The following UNC5D variants were observed in gnomAD, a reference collection of about 807,000 sequenced individuals.
The protein encoded by UNC5D is netrin receptor UNC5D.
A neutral mutation model predicts 105.4 loss-of-function variants in UNC5D; 39 were observed. That is an observed-to-expected ratio of 0.37 (90% confidence interval 0.29 to 0.48). The LOEUF (loss-of-function observed/expected upper bound fraction) is 0.48. Among genes scored for constraint, UNC5D ranks in the 20% least tolerant of loss-of-function variants. UNC5D has a pLI of 0.98. For synonymous variants in UNC5D, 452 were observed against 450.4 expected (o/e 1.00, Z -0.04); for missense variants, 991 against 1,202.4 (o/e 0.82, Z 2.60).
At chr8:35,423,772 C>A (rs2128968351) in intron 1 of UNC5D, among the ~76,000 whole-genome samples, 1 of 151,136 alleles carries the variant, frequency 6.6e-6, no homozygotes, top group South Asian at 2.1e-4. Flanking sequence ...TAAATTGAAA[C>A]TAAAAAGTTT....
At chr8:35,601,425 C>G (rs13277359) in intron 4 of UNC5D, among the ~76,000 whole-genome samples, 10 of 152,092 alleles carry the variant, frequency 6.6e-5, no homozygotes, top group Non-Finnish European at 1.3e-4. Context: ...ATTCTTCTAC[C>G]CATGAGCATG....
chr8:35,245,201 G>A (rs1435272513), intron 1 of UNC5D, among the ~76,000 whole-genome samples: 2 of 152,032 alleles, frequency 1.3e-5, no homozygotes, highest in African/African-American at 4.8e-5. Context: ...TTCGAAAGCA[G>A]TTTAGTGGCA....
At chr8:35,446,069 C>T (rs1366484954) in intron 1 of UNC5D, among the ~76,000 whole-genome samples, 3 of 151,688 alleles carry the variant, frequency 2.0e-5, no homozygotes, top group South Asian at 2.1e-4. Context: ...TGAGTAAGTT[C>T]TTCAGTGGTG....
Position 35,680,089 on chromosome 8 carries a change from G to C in UNC5D, c.571-3458G>C, listed in dbSNP as rs950289485. Among the ~76,000 whole-genome samples the C allele has an allele frequency of 5.3e-5, 8 of 152,224 alleles. No individual in the cohort carries two copies. In the East Asian group the frequency reaches 1.2e-3, roughly 22 times the overall value. On this transcript the variant is annotated intron_variant, in intron 4 of 16. Coordinates refer to ENST00000404895, the MANE Select transcript of UNC5D (RefSeq NM_080872.4). Reference sequence around the variant, plus strand: ...TCTTTCATTCATTCATGAGGGGAGAGTCCTCATGATCTGATCTCCTCTGTA... The same window carrying C: ...TCTTTCATTCATTCATGAGGGGAGACTCCTCATGATCTGATCTCCTCTGTA...
chr8:35,723,587 A>G (rs1015235257), intron 9 of UNC5D, among the ~76,000 whole-genome samples: 1 of 151,852 alleles, frequency 6.6e-6, no homozygotes, highest in Non-Finnish European at 1.5e-5. Context: ...TTTATTTTTT[A>G]TAGAGACAGG....
chr8:35,510,274 T>G (rs1812608371), intron 1 of UNC5D, among the ~76,000 whole-genome samples: 1 of 127,172 alleles, frequency 7.9e-6, no homozygotes, highest in Admixed American at 9.6e-5. Context: ...TGGAGCTACC[T>G]AGGGGGTAGC....
At chr8:35,279,812 T>C (rs948277010) in intron 1 of UNC5D, among the ~76,000 whole-genome samples, 1 of 152,194 alleles carries the variant, frequency 6.6e-6, no homozygotes, top group African/African-American at 2.4e-5. Context: ...GATCCCCAGC[T>C]TCCAATTAGC....
intron 1 of UNC5D, among the ~76,000 whole-genome samples, chr8:35,502,800 C>T (rs1265566363): frequency 6.6e-6 from 1 of 151,820 alleles, no homozygotes; most frequent in Non-Finnish European, 1.5e-5. Flanking sequence ...CTCCTGACCT[C>T]GTGATCTGCC....
At chr8:35,387,434 C>A (rs1803484353) in intron 1 of UNC5D, among the ~76,000 whole-genome samples, 1 of 151,478 alleles carries the variant, frequency 6.6e-6, no homozygotes, top group Non-Finnish European at 1.5e-5. Flanking sequence ...AGTATGAGAA[C>A]CCCTGGCTTA....
intron 1 of UNC5D, among the ~76,000 whole-genome samples, chr8:35,542,173 G>T (rs2130637188): frequency 6.6e-6 from 1 of 152,282 alleles, no homozygotes; most frequent in Non-Finnish European, 1.5e-5. Flanking sequence ...ACTTTTACTG[G>T]GGCCTGGGGA....
rs1001193491 is a variant in UNC5D, at chr8:35,630,693, C to T, written c.570+35036C>T. Among the ~76,000 whole-genome samples the T allele has an allele frequency of 4.6e-5, 7 of 152,160 alleles. 1 individual carries two copies. The South Asian group carries it at 6.2e-4, about 14-fold the overall frequency. ...AATTTTCCTTGCTCATCTAGTGATT[C>T]GTAAGGCGGGAAAAAGGCTGCTTAA... is the stretch of plus-strand genomic sequence containing the variant. On this transcript the variant is annotated intron_variant, in intron 4 of 16. Transcript: ENST00000404895.
At chr8:35,409,943 CAT>C (rs1805051656) in intron 1 of UNC5D, among the ~76,000 whole-genome samples, 1 of 146,246 alleles carries the variant, frequency 6.8e-6, no homozygotes, top group Non-Finnish European at 1.5e-5. Flanking sequence ...TTTTTTTAAA[CAT>C]AGCATACCTG....
chr8:35,248,146 TATATAATATATAAATA>T (rs1803295141), intron 1 of UNC5D, among the ~76,000 whole-genome samples: 1 of 37,672 alleles, frequency 2.7e-5, no homozygotes, highest in Non-Finnish European at 4.1e-5. Context: ...ATATAAAATA[TATATAATATATAAATA>T]TATATTATAT....
At chr8:35,493,065 A>G (rs1811316322) in intron 1 of UNC5D, among the ~76,000 whole-genome samples, 1 of 152,090 alleles carries the variant, frequency 6.6e-6, no homozygotes, top group Admixed American at 6.6e-5. Context: ...AAACTTGCAG[A>G]GAGAGTGCTT....
chr8:35,696,875 G>C (rs1156984866), intron 7 of UNC5D, among the ~76,000 whole-genome samples: 2 of 152,118 alleles, frequency 1.3e-5, no homozygotes, highest in Non-Finnish European at 1.5e-5. Context: ...GTACAGGACA[G>C]TGTTAGTGTT....
chr8:35,241,033 A>C (rs10101683), intron 1 of UNC5D, among the ~76,000 whole-genome samples: 77,416 of 152,000 alleles, frequency 0.51, 20,099 homozygotes, highest in East Asian at 0.69. Flanking sequence ...TATTTGTTGC[A>C]TGTCTTGTAT....
At chr8:35,599,070 G>A (rs959348926) in intron 4 of UNC5D, among the ~76,000 whole-genome samples, 1 of 150,498 alleles carries the variant, frequency 6.6e-6, no homozygotes, top group African/African-American at 2.4e-5. Flanking sequence ...TTGAACCCGG[G>A]AGGTAGAGGT....
At chr8:35,603,311 A>G (rs1242420017) in intron 4 of UNC5D, among the ~76,000 whole-genome samples, 5 of 152,128 alleles carry the variant, frequency 3.3e-5, no homozygotes, top group South Asian at 4.1e-4. Flanking sequence ...CCCAGTAGTC[A>G]TTCAGGAGCA....
At chr8:35,434,293 C>T (rs1353133955) in intron 1 of UNC5D, among the ~76,000 whole-genome samples, 1 of 152,008 alleles carries the variant, frequency 6.6e-6, no homozygotes, top group East Asian at 1.9e-4. Flanking sequence ...TAGCAAGTTC[C>T]ACTAATGAGA....
Sources: gnomAD v4.1 joint callset for allele counts (sites outside exome capture counted in the v4.1 genomes callset) on GRCh38, gnomAD v4.1.1 for gene constraint, MANE v1.5 for transcripts, NCBI Gene and HGNC (gene_info 2026-07-23, HGNC 2026-07-21) for gene names.